Variants in FTO observed in about 807,000 individuals in gnomAD.
FTO encodes the protein alpha-ketoglutarate-dependent dioxygenase FTO.
Under a neutral mutation model 63.9 loss-of-function variants are expected in FTO, and 47 were observed. That is an observed-to-expected ratio of 0.74 (90% CI 0.58 to 0.94). The LOEUF is 0.94. Among genes scored for constraint, FTO ranks in the 40% least tolerant of loss-of-function variants. FTO has a pLI of 0.00. For synonymous variants in FTO, 207 were observed against 224.4 expected, an observed-to-expected ratio of 0.92 and a Z score of 0.69; for missense variants, 562 against 618.1, an observed-to-expected ratio of 0.91 and a Z score of 0.96.
At chr16:53,718,956 G>A (rs973213520) in intron 1 of FTO, among the ~76,000 whole-genome samples, 4 of 152,088 alleles carry the variant, frequency 2.6e-5, no homozygotes, top group African/African-American at 4.8e-5. Context: ...TTTGAATGGG[G>A]CATATATAAC....
intron 1 of FTO, among the ~76,000 whole-genome samples, chr16:53,739,300 G>A (rs887300161): frequency 6.6e-6 from 1 of 151,996 alleles, no homozygotes; most frequent in Non-Finnish European, 1.5e-5. Context: ...CTGCCTCCTG[G>A]GTTCACACCA....
chr16:53,722,976 T>C (rs1287956595), intron 1 of FTO, among the ~76,000 whole-genome samples: 1 of 152,208 alleles, frequency 6.6e-6, no homozygotes, highest in African/African-American at 2.4e-5. Context: ...ACCACCTATG[T>C]GTCCCGATTC....
At chr16:54,015,892 C>T (rs1359344068) in intron 8 of FTO, among the ~76,000 whole-genome samples, 1 of 152,204 alleles carries the variant, frequency 6.6e-6, no homozygotes, top group Non-Finnish European at 1.5e-5. Context: ...AGCCAAAGCC[C>T]TTGGCCATTT....
intron 1 of FTO, among the ~76,000 whole-genome samples, chr16:53,754,578 C>T (rs974877614): frequency 6.6e-6 from 1 of 152,100 alleles, no homozygotes; most frequent in Non-Finnish European, 1.5e-5. Flanking sequence ...GTGGCAGTTG[C>T]AGTGAGCTGA....
At chr16:53,768,914 G>A (rs1447906525) in intron 1 of FTO, among the ~76,000 whole-genome samples, 1 of 152,202 alleles carries the variant, frequency 6.6e-6, no homozygotes, top group East Asian at 1.9e-4. Flanking sequence ...GTCCTTTTCT[G>A]ATGTTCAGCT....
chr16:53,753,252 C>CAAAAAA (rs35605359), intron 1 of FTO, among the ~76,000 whole-genome samples: 4 of 77,950 alleles, frequency 5.1e-5, no homozygotes, highest in Admixed American at 1.6e-4. Context: ...GACCCTGTCT[C>CAAAAAA]AAAAAAAAAA....
intron 7 of FTO, among the ~76,000 whole-genome samples, chr16:53,925,533 A>G (rs1365610854): frequency 1.3e-5 from 2 of 152,224 alleles, no homozygotes; most frequent in African/African-American, 4.8e-5. Context: ...TCCTGTTTCC[A>G]TGCATTTCCT....
chr16:53,805,931 G>C (rs139042750), intron 1 of FTO, among the ~76,000 whole-genome samples: 2 of 152,310 alleles, frequency 1.3e-5, no homozygotes, highest in East Asian at 3.9e-4. Context: ...TGACACAAGT[G>C]TGACAGCAAA....
Position 54,121,394 on chromosome 16 carries a change from ATGC to A in FTO, c.*9481_*9483del, listed in dbSNP as rs1181013955. ...TGTACAGAAACATGGAAAAAGAGCG[ATGC>A]TATTAAGGAGGAAAATGGAGCCAGG... On this transcript the variant is annotated 3_prime_UTR_variant, in exon 9 of 9. Transcript: ENST00000471389. The A allele has an allele frequency of 6.6e-6, 1 of 152,214 alleles. No homozygotes were observed. Among genetic ancestry groups the A allele is most frequent in the Non-Finnish European group, 1.5e-5 (1 of 68,052 alleles). 9.4% of individuals were successfully genotyped at this position (152,214 alleles called of 1,614,324 possible). A position where few individuals can be genotyped will look rare whatever the true frequency, so the allele number is the denominator to read the frequency against.
chr16:53,806,064 C>T (rs1226038494), intron 1 of FTO, among the ~76,000 whole-genome samples: 2 of 152,186 alleles, frequency 1.3e-5, no homozygotes, highest in African/African-American at 4.8e-5. Context: ...TACCTGTGCT[C>T]CAGAGCGCAT....
At chr16:53,854,405 T>G (rs1302595632) in intron 4 of FTO, among the ~76,000 whole-genome samples, 1 of 152,164 alleles carries the variant, frequency 6.6e-6, no homozygotes, top group Non-Finnish European at 1.5e-5. Context: ...AAGAGTTTTC[T>G]TCTAGAATTT....
chr16:53,913,545 A>G (rs2081771956), intron 7 of FTO, among the ~76,000 whole-genome samples: 1 of 152,188 alleles, frequency 6.6e-6, no homozygotes, highest in Non-Finnish European at 1.5e-5. Flanking sequence ...TTGACAAGCA[A>G]AACTTTCCCT....
At chr16:53,734,128 A>T (rs1204719299) in intron 1 of FTO, among the ~76,000 whole-genome samples, 1 of 152,260 alleles carries the variant, frequency 6.6e-6, no homozygotes, top group African/African-American at 2.4e-5. Flanking sequence ...CAAATCCATT[A>T]AGGAAATTCT....
At chr16:53,972,741 A>G (rs761286701) in intron 8 of FTO, among the ~76,000 whole-genome samples, 4 of 152,186 alleles carry the variant, frequency 2.6e-5, no homozygotes, top group Non-Finnish European at 5.9e-5. Context: ...AGGTACATCC[A>G]TCCCTCTCAG....
At chr16:53,756,791 ACATGAGTAGAAGTC>A (rs1413732660) in intron 1 of FTO, among the ~76,000 whole-genome samples, 4 of 152,228 alleles carry the variant, frequency 2.6e-5, no homozygotes, top group Non-Finnish European at 5.9e-5. Context: ...TCTTTTGTTC[ACATGAGTAGAAGTC>A]CATTCAGCTG....
intron 2 of FTO, among the ~76,000 whole-genome samples, chr16:53,824,251 A>C (rs2078946049): frequency 6.6e-6 from 1 of 152,204 alleles, no homozygotes; most frequent in Non-Finnish European, 1.5e-5. Flanking sequence ...TCCTCGTAGC[A>C]TGCCACTCTG....
At chr16:53,850,251 G>A (rs1479485444) in intron 4 of FTO, among the ~76,000 whole-genome samples, 2 of 152,112 alleles carry the variant, frequency 1.3e-5, no homozygotes, top group African/African-American at 4.8e-5. Context: ...AAACATGACA[G>A]TATAGTTTCC....
intron 8 of FTO, chr16:53,993,445 A>ACT (rs1263018724): frequency 6.6e-6 from 1 of 152,188 alleles, no homozygotes; most frequent in Non-Finnish European, 1.5e-5. Flanking sequence ...TAAAATCTGA[A>ACT]CTTTACTAAA....
intron 4 of FTO, among the ~76,000 whole-genome samples, chr16:53,855,481 A>G (rs2079959125): frequency 1.3e-5 from 2 of 152,138 alleles, no homozygotes; most frequent in South Asian, 4.1e-4. Flanking sequence ...AGTACTTTGA[A>G]TATGGCTGGT....
Sources: gnomAD v4.1 joint callset for allele counts (sites outside exome capture counted in the v4.1 genomes callset) on GRCh38, gnomAD v4.1.1 for gene constraint, MANE v1.5 for transcripts, NCBI Gene and HGNC (gene_info 2026-07-23, HGNC 2026-07-21) for gene names.